MECOM: variants seen among roughly 807,000 people sequenced by gnomAD.
MECOM encodes histone-lysine N-methyltransferase MECOM.
A neutral mutation model predicts 116.3 loss-of-function variants in MECOM; 13 were observed. That is an observed-to-expected ratio of 0.11 (90% CI 0.07 to 0.18). The LOEUF is 0.18. MECOM is among the 10% of genes least tolerant of loss of function. The pLI is 1.00. For missense variants in MECOM, 1,299 were observed against 1,509.0 expected (o/e 0.86, Z 2.31); for synonymous variants, 528 against 535.2 (o/e 0.99, Z 0.19).
chr3:169,471,833 C>T (rs1015122477), intron 1 of MECOM, among the ~76,000 whole-genome samples: 7 of 152,306 alleles, frequency 4.6e-5, no homozygotes, highest in East Asian at 3.9e-4. Context: ...ACAATTCACT[C>T]TATTTAATAG....
chr3:169,557,076 G>T lies in MECOM; in HGVS notation c.37+106260C>A, dbSNP rs186503823. 1.8e-3 allele frequency among the ~76,000 whole-genome samples: 276 copies of T among 152,178 alleles called. 1 individual carries two copies. Among genetic ancestry groups the T allele is most frequent in the African/African-American group, 6.3e-3 (263 of 41,520 alleles). On this transcript the variant is annotated intron_variant, in intron 1 of 16. Coordinates refer to ENST00000651503, the MANE Select transcript of MECOM (RefSeq NM_004991.4). ...TACACAATTACAACCCCACCTCATT[G>T]CTCTCAGGCCGGAAATGCTGCAAGT...
intron 3 of MECOM, among the ~76,000 whole-genome samples, chr3:169,141,476 A>G (rs1738094130): frequency 1.3e-5 from 2 of 152,000 alleles, no homozygotes; most frequent in Non-Finnish European, 2.9e-5. Context: ...CTTATTCACC[A>G]TTTGGCAGCT....
At chr3:169,267,176 G>A (rs1314714757) in intron 2 of MECOM, among the ~76,000 whole-genome samples, 4 of 152,242 alleles carry the variant, frequency 2.6e-5, no homozygotes, top group Non-Finnish European at 5.9e-5. Context: ...GAAGTTAGAA[G>A]GATCCAGGGT....
chr3:169,162,071 T>C (rs1446660509), intron 2 of MECOM, among the ~76,000 whole-genome samples: 1 of 152,174 alleles, frequency 6.6e-6, no homozygotes, highest in African/African-American at 2.4e-5. Context: ...CCATTAAGTT[T>C]TGGGATAATT....
chr3:169,360,663 A>T (rs1336930379), intron 2 of MECOM, among the ~76,000 whole-genome samples: 2 of 151,834 alleles, frequency 1.3e-5, no homozygotes, highest in Non-Finnish European at 2.9e-5. Flanking sequence ...TTAACAGGCC[A>T]TTGATGGAGA....
intron 1 of MECOM, among the ~76,000 whole-genome samples, chr3:169,596,003 T>G (rs1767086753): frequency 6.6e-6 from 1 of 152,216 alleles, no homozygotes; most frequent in Non-Finnish European, 1.5e-5. Context: ...TTTTCTGTTT[T>G]GAAAAATAAT....
intron 1 of MECOM, among the ~76,000 whole-genome samples, chr3:169,615,772 G>A (rs995646653): frequency 3.3e-5 from 5 of 152,136 alleles, no homozygotes; most frequent in Admixed American, 3.3e-4. Flanking sequence ...TCCAAAGATG[G>A]TTACCCTCAC....
At chr3:169,224,857 C>T (rs986807082) in intron 2 of MECOM, among the ~76,000 whole-genome samples, 4 of 152,238 alleles carry the variant, frequency 2.6e-5, no homozygotes, top group Middle Eastern at 3.4e-3. Flanking sequence ...TCTGTTGAGT[C>T]GAGCATAAAC....
chr3:169,173,269 A>T (rs1294529775), intron 2 of MECOM, among the ~76,000 whole-genome samples: 2 of 151,824 alleles, frequency 1.3e-5, no homozygotes, highest in African/African-American at 4.8e-5. Context: ...CTCTCCTGGG[A>T]TCATTTTCTC....
At chr3:169,404,782 G>A (rs950898559) in intron 1 of MECOM, among the ~76,000 whole-genome samples, 1 of 152,136 alleles carries the variant, frequency 6.6e-6, no homozygotes. Flanking sequence ...ATGATGGATC[G>A]CAGCACCACC....
At chr3:169,600,835 A>G (rs1767755536) in intron 1 of MECOM, among the ~76,000 whole-genome samples, 2 of 152,218 alleles carry the variant, frequency 1.3e-5, no homozygotes, top group South Asian at 4.1e-4. Context: ...AAATGTTTGA[A>G]TAAAGTAAAA....
At chr3:169,535,217 G>A (rs1044411072) in intron 1 of MECOM, among the ~76,000 whole-genome samples, 1 of 152,144 alleles carries the variant, frequency 6.6e-6, no homozygotes, top group African/African-American at 2.4e-5. Flanking sequence ...ACCCATTGGA[G>A]TCAGGCAATG....
chr3:169,560,844 A>G (rs12629527), intron 1 of MECOM, among the ~76,000 whole-genome samples: 33,504 of 151,968 alleles, frequency 0.22, 4,704 homozygotes, highest in East Asian at 0.7. Context: ...TTGGTTAAAG[A>G]TAGTAGAATT....
chr3:169,483,021 A>T (rs1168939551), intron 1 of MECOM, among the ~76,000 whole-genome samples: 1 of 152,090 alleles, frequency 6.6e-6, no homozygotes, highest in African/African-American at 2.4e-5. Context: ...CATATTTTCC[A>T]CTTGGGTCAA....
chr3:169,123,829 A>G (rs1387295344), intron 5 of MECOM, among the ~76,000 whole-genome samples: 2 of 152,106 alleles, frequency 1.3e-5, no homozygotes, highest in African/African-American at 4.8e-5. Flanking sequence ...TGAAGCATCA[A>G]TAAGAACAGC....
chr3:169,308,601 C>A (rs1286727080), intron 2 of MECOM, among the ~76,000 whole-genome samples: 1 of 152,194 alleles, frequency 6.6e-6, no homozygotes, highest in Non-Finnish European at 1.5e-5. Context: ...CATATAACTT[C>A]ATGCATTGTA....
At position 169,405,188 on chromosome 3, in the gene MECOM, G is replaced by GTC. The variant is rs749278074; in HGVS notation, c.38-23666_38-23665dup. 6.2e-4 allele frequency among the ~76,000 whole-genome samples: 93 copies of GTC among 149,016 alleles called. 1 individual carries two copies. The highest frequency in any genetic ancestry group is 6.1e-3 in the South Asian group (29 of 4,728). ...TCTCTATCATCTAGTCTCTTTCTCTGTCTCTCTCTCTCTCTCTGTCTCTCC... is the reference window on the plus strand; with the variant it reads ...TCTCTATCATCTAGTCTCTTTCTCTGTCTCTCTCTCTCTCTCTCTGTCTCTCC... On this transcript the variant is annotated intron_variant, in intron 1 of 16. Transcript: ENST00000651503.
At chr3:169,542,081 T>C (rs1760135852) in intron 1 of MECOM, among the ~76,000 whole-genome samples, 1 of 152,162 alleles carries the variant, frequency 6.6e-6, no homozygotes, top group African/African-American at 2.4e-5. Context: ...ATATAATGTA[T>C]CCATTGTAAA....
intron 6 of MECOM, among the ~76,000 whole-genome samples, chr3:169,122,343 C>T (rs530591365): frequency 6.6e-6 from 1 of 152,316 alleles, no homozygotes; most frequent in East Asian, 1.9e-4. Context: ...TGTCTGACAC[C>T]TAGTTCTGGA....
Sources: allele counts gnomAD v4.1 joint callset (sites outside exome capture counted in the v4.1 genomes callset), GRCh38; gene constraint gnomAD v4.1.1; transcripts MANE v1.5; gene names NCBI Gene and HGNC (gene_info 2026-07-23, HGNC 2026-07-21).